WNT9B: variants seen among roughly 807,000 people sequenced by gnomAD.
WNT9B encodes protein Wnt-9b.
Under a neutral mutation model 30.2 loss-of-function variants are expected in WNT9B, and 12 were observed. That is an observed-to-expected ratio of 0.40 (90% CI 0.26 to 0.64). The LOEUF is 0.64. WNT9B is among the 30% of genes least tolerant of loss of function. The pLI is 0.42. For missense variants in WNT9B, 442 were observed against 485.2 expected (o/e 0.91, Z 0.84); for synonymous variants, 218 against 216.9 (o/e 1.01, Z -0.05).
At chr17:46,859,488 C>T (rs2084997919) in intron 1 of WNT9B, among the ~76,000 whole-genome samples, 1 of 152,178 alleles carries the variant, frequency 6.6e-6, no homozygotes, top group Non-Finnish European at 1.5e-5. Flanking sequence ...TACTCTGTTT[C>T]ATTTATCTAT....
downstream of WNT9B, among the ~76,000 whole-genome samples, chr17:46,883,990 C>A (rs867195777): frequency 3.3e-5 from 5 of 152,296 alleles, no homozygotes; most frequent in Middle Eastern, 3.4e-3. Context: ...TGAGCCCCTA[C>A]CCCTGCCCCA....
intron 1 of WNT9B, among the ~76,000 whole-genome samples, chr17:46,835,475 T>C (rs1049330648): frequency 6.6e-6 from 1 of 152,086 alleles, no homozygotes; most frequent in Admixed American, 6.5e-5. Context: ...CCTCTCAAAG[T>C]GCTGGGATTA....
chr17:46,864,085 C>T (rs1237711248), intron 1 of WNT9B, among the ~76,000 whole-genome samples: 1 of 152,226 alleles, frequency 6.6e-6, no homozygotes, highest in Admixed American at 6.5e-5. Context: ...AGGCCTGGCC[C>T]TTCCAGGGCC....
downstream of WNT9B, among the ~76,000 whole-genome samples, chr17:46,884,330 G>A (rs1439376534): frequency 6.6e-6 from 1 of 152,160 alleles, no homozygotes; most frequent in African/African-American, 2.4e-5. Context: ...CCAGAGGCGG[G>A]AGATGTCAGA....
At position 46,872,726 on chromosome 17, in the gene WNT9B, A is replaced by G. The variant is rs761814917; in HGVS notation, c.287A>G (p.Glu96Gly). 1.9e-6 allele frequency: 3 copies of G among 1,608,134 alleles called. No homozygotes were observed. The highest frequency in any genetic ancestry group is 2.7e-5 in the African/African-American group (2 of 73,760). The part of the protein sequence containing the change: ...LLECQFQFRH[E>G]RWNCSLEGRM... ...GAGTGCCAGTTTCAGTTCCGGCATGAGCGCTGGAACTGTAGCCTGGAGGGC... is the reference window on the plus strand; with the variant it reads ...GAGTGCCAGTTTCAGTTCCGGCATGGGCGCTGGAACTGTAGCCTGGAGGGC... Residue 96 changes from glutamate to glycine, a missense_variant, in exon 2 of 4, where the codon GAG becomes GGG. Glu to Gly is a moderately conservative substitution (Grantham distance 98). Coordinates refer to ENST00000290015, the MANE Select transcript of WNT9B (RefSeq NM_003396.3).
At chr17:46,866,400 G>A (rs1431090818) in intron 1 of WNT9B, among the ~76,000 whole-genome samples, 1 of 151,946 alleles carries the variant, frequency 6.6e-6, no homozygotes. Context: ...GTATGTGTGA[G>A]AGTGTGCATG....
intron 1 of WNT9B, among the ~76,000 whole-genome samples, chr17:46,834,858 G>A (rs964480193): frequency 7.2e-5 from 11 of 152,196 alleles, no homozygotes; most frequent in African/African-American, 2.7e-4. Context: ...TCAGGGAAGA[G>A]TCTCTGGAGG....
At chr17:46,858,465 TTTTTA>T (rs149880516) in intron 1 of WNT9B, among the ~76,000 whole-genome samples, 3,691 of 151,254 alleles carry the variant, frequency 0.024, 146 homozygotes, top group African/African-American at 0.084. Flanking sequence ...CGTTTTCTCC[TTTTTA>T]TTTTATTTTA....
chr17:46,845,637 C>A (rs2084767179), intron 1 of WNT9B, among the ~76,000 whole-genome samples: 1 of 151,282 alleles, frequency 6.6e-6, no homozygotes, highest in African/African-American at 2.4e-5. Context: ...ACTACAGGTG[C>A]CCGCCACCAC....
chr17:46,851,618 G>C lies in WNT9B; in HGVS notation c.-21G>C. The C allele has an allele frequency of 1.0e-5, 13 of 1,245,680 alleles. No individual in the cohort carries two copies. The highest frequency in any genetic ancestry group is 1.2e-5 in the Non-Finnish European group (12 of 994,166). 77.2% of individuals were successfully genotyped at this position (1,245,680 alleles called of 1,614,324 possible). A position where few individuals can be genotyped will look rare whatever the true frequency, so the allele number is the denominator to read the frequency against. ...TTGAGCGGCGCGAGGAGATGCTAGAGGGCGCAGCGCCGCCAGCACCATGCG... is the reference window on the plus strand; with the variant it reads ...TTGAGCGGCGCGAGGAGATGCTAGACGGCGCAGCGCCGCCAGCACCATGCG... On this transcript the variant is annotated 5_prime_UTR_variant, in exon 1 of 4. Transcript: ENST00000290015. The surrounding 1 kb of genome is among the most constrained non-coding windows in gnomAD (Gnocchi z 4.3).
chr17:46,875,174 C>T lies in WNT9B; in HGVS notation c.408C>T (p.Ser136=), dbSNP rs770006530. 2.0e-5 allele frequency: 32 copies of T among 1,613,914 alleles called. No homozygotes were observed. The highest frequency in any genetic ancestry group is 8.0e-5 in the African/African-American group (6 of 74,944). Residue 136 remains serine, a synonymous_variant, in exon 3 of 4, where the codon AGC becomes AGT. Transcript: ENST00000290015. ...CCCACACCCTGGCCCGGGCCTGCAGCGCTGGGCGCATGGAGCGCTGCACCT... is the reference window on the plus strand; with the variant it reads ...CCCACACCCTGGCCCGGGCCTGCAGTGCTGGGCGCATGGAGCGCTGCACCT... ...ALTHTLARAC[S]AGRMERCTCD... is the part of the protein sequence containing the mutation.
chr17:46,839,253 T>C (rs1489981066), intron 1 of WNT9B, among the ~76,000 whole-genome samples: 1 of 152,262 alleles, frequency 6.6e-6, no homozygotes, highest in Non-Finnish European at 1.5e-5. Context: ...TTCTATTAGC[T>C]CTGAACTCAT....
At chr17:46,872,466 C>T in intron 1 of WNT9B, 51 bp from the exon 2 acceptor site, 6 of 1,444,710 alleles carry the variant, frequency 4.2e-6, no homozygotes, top group Non-Finnish European at 5.5e-6. Flanking sequence ...TCATTTGCCC[C>T]TCACCACCAT....
intron 1 of WNT9B, among the ~76,000 whole-genome samples, chr17:46,844,882 G>T (rs2084757097): frequency 1.3e-5 from 2 of 150,704 alleles, no homozygotes; most frequent in Admixed American, 6.6e-5. Flanking sequence ...TTTTGCTCTT[G>T]TTGCCCCAGG....
intron 1 of WNT9B, among the ~76,000 whole-genome samples, chr17:46,869,590 G>C (rs1568127923): frequency 6.6e-6 from 1 of 152,218 alleles, no homozygotes; most frequent in Admixed American, 6.5e-5. Context: ...CCCAAGTGCA[G>C]CCTAGGGAAT....
chr17:46,851,109 G>A (rs58034955), upstream of WNT9B, among the ~76,000 whole-genome samples: 9 of 152,266 alleles, frequency 5.9e-5, no homozygotes, highest in African/African-American at 2.2e-4. This position sits in a 1 kb window ranked among gnomAD's most constrained non-coding sequence, Gnocchi z 4.3. Context: ...CCCTGAGTCT[G>A]CGGGCTGCGG....
Position 46,876,781 on chromosome 17 carries a change from C to T in WNT9B, c.*63C>T. 1.4e-6 allele frequency: 2 copies of T among 1,475,464 alleles called. No individual in the cohort carries two copies. The highest frequency in any genetic ancestry group is 1.8e-6 in the Non-Finnish European group (2 of 1,110,224). The allele number at this position is 1,475,464 out of a possible 1,614,324, so 91.4% of individuals were successfully genotyped here. On this transcript the variant is annotated 3_prime_UTR_variant, in exon 4 of 4. Transcript: ENST00000290015. ...CCTCCTGTGGCACCCTTCAAGCTGC[C>T]CAGCCGGCCCTCTGGGCAGACTGTC...
chr17:46,853,136 C>T lies in WNT9B; in HGVS notation c.77+1421C>T, dbSNP rs1196114611. ...AGGCTTGAAGGAATGGTTGTTCCCT[C>T]GGCAGGCAGGATGTCATCATCACTA... On this transcript the variant is annotated intron_variant, in intron 1 of 3. Transcript: ENST00000290015. Among the ~76,000 whole-genome samples, 63 of 152,088 alleles carry T rather than the reference C, an allele frequency of 4.1e-4. 1 individual carries two copies. The highest frequency in any genetic ancestry group is 1.9e-4 in the East Asian group (1 of 5,194).
rs1206630695 is a variant in WNT9B, at chr17:46,863,163, C to A, written c.78-9354C>A. ...TCCAGAGCCACGCCCTCCCAAAGCC[C>A]GCCCAGCCCCAGCTTGGGAAGGTTT... is the stretch of plus-strand genomic sequence containing the variant. On this transcript the variant is annotated intron_variant, in intron 1 of 3. Coordinates refer to ENST00000290015, the MANE Select transcript of WNT9B (RefSeq NM_003396.3). Among the ~76,000 whole-genome samples the A allele has an allele frequency of 2.6e-5, 4 of 152,206 alleles. No individual in the cohort carries two copies. In the East Asian group the frequency reaches 5.8e-4, roughly 22 times the overall value.
Sources: gnomAD v4.1 joint callset for allele counts (sites outside exome capture counted in the v4.1 genomes callset) on GRCh38, gnomAD v4.1.1 for gene constraint, Gnocchi (gnomAD v3.1) non-coding constraint, MANE v1.5 for transcripts, NCBI Gene and HGNC (gene_info 2026-07-23, HGNC 2026-07-21) for gene names.